Variants in C8orf34 observed in about 807,000 individuals in gnomAD.
C8orf34 encodes the protein uncharacterized protein C8orf34.
In C8orf34, 65 loss-of-function variants were observed where a neutral mutation model predicts 68.3. The observed-to-expected ratio is 0.95, with a 90% CI of 0.78 to 1.17. C8orf34 has a LOEUF of 1.17. Ranked by LOEUF, C8orf34 falls within the 50% of genes most tolerant of loss-of-function variation. The pLI is 0.00. For synonymous variants in C8orf34, 244 were observed against 241.2 expected (o/e 1.01, Z -0.11); for missense variants, 664 against 655.4 (o/e 1.01, Z -0.14).
intron 5 of C8orf34, among the ~76,000 whole-genome samples, chr8:68,502,237 TG>T (rs1167648931): frequency 1.3e-5 from 2 of 152,240 alleles, no homozygotes; most frequent in African/African-American, 4.8e-5. Context: ...GGCTAATTTT[TG>T]TATTTTTAGT....
In C8orf34 at chr8:68,533,417, T is replaced by C. The variant is rs557872718; in HGVS notation, c.1105+268T>C. The C allele has an allele frequency of 1.7e-5, 19 of 1,104,962 alleles. No homozygotes were observed. In the African/African-American group the frequency reaches 2.8e-4, roughly 16 times the overall value. The allele number at this position is 1,104,962 out of a possible 1,614,324, so 68.4% of individuals were successfully genotyped here. A position where few individuals can be genotyped will look rare whatever the true frequency, so the allele number is the denominator to read the frequency against. ...CTGACTACGTAATGAAGCGTTATTCTGTGTGCAACTGTGATCAAAATTCAA... is the reference window on the plus strand; with the variant it reads ...CTGACTACGTAATGAAGCGTTATTCCGTGTGCAACTGTGATCAAAATTCAA... On this transcript the variant is annotated intron_variant, in intron 7 of 13. Transcript: ENST00000518698.
intron 7 of C8orf34, among the ~76,000 whole-genome samples, chr8:68,627,618 T>C (rs1818574084): frequency 6.6e-6 from 1 of 152,234 alleles, no homozygotes; most frequent in South Asian, 2.1e-4. Context: ...AGATGCACTC[T>C]GATGCAGAAA....
chr8:68,663,871 C>T (rs1819758973), intron 8 of C8orf34, among the ~76,000 whole-genome samples: 1 of 152,110 alleles, frequency 6.6e-6, no homozygotes, highest in Admixed American at 6.5e-5. Flanking sequence ...GCAAAATAGA[C>T]AATAAGTTTA....
chr8:68,538,557 T>G (rs951498254), intron 7 of C8orf34, among the ~76,000 whole-genome samples: 1 of 152,088 alleles, frequency 6.6e-6, no homozygotes, highest in Admixed American at 6.6e-5. Context: ...TAGATAAATT[T>G]ATATCCTTGA....
intron 7 of C8orf34, among the ~76,000 whole-genome samples, chr8:68,538,601 A>G (rs992152947): frequency 3.3e-5 from 5 of 151,216 alleles, no homozygotes; most frequent in South Asian, 2.1e-4. Flanking sequence ...CAGACAAAGG[A>G]AAAAAAAAGC....
chr8:68,654,058 A>G (rs1819441777), intron 8 of C8orf34, among the ~76,000 whole-genome samples: 1 of 152,150 alleles, frequency 6.6e-6, no homozygotes, highest in South Asian at 2.1e-4. Flanking sequence ...ATTATTATTC[A>G]TACTACTATT....
intron 10 of C8orf34, among the ~76,000 whole-genome samples, chr8:68,773,161 C>T (rs533484448): frequency 6.6e-6 from 1 of 152,022 alleles, no homozygotes; most frequent in Non-Finnish European, 1.5e-5. Flanking sequence ...CATTAGCGAT[C>T]CCAGTGAGAG....
chr8:68,441,094 A>G (rs542264161), intron 2 of C8orf34, among the ~76,000 whole-genome samples: 245 of 149,494 alleles, frequency 1.6e-3, no homozygotes, highest in Non-Finnish European at 2.9e-3. Context: ...ATGAGCCACC[A>G]TGCCCTGCCA....
At chr8:68,479,790 A>G (rs1328937473) in intron 4 of C8orf34, among the ~76,000 whole-genome samples, 1 of 152,142 alleles carries the variant, frequency 6.6e-6, no homozygotes, top group Non-Finnish European at 1.5e-5. Context: ...GAAAACCAAC[A>G]CCATTTGAAA....
intron 10 of C8orf34, among the ~76,000 whole-genome samples, chr8:68,771,992 CTA>C (rs1413404701): frequency 6.6e-6 from 1 of 152,104 alleles, no homozygotes; most frequent in Admixed American, 6.5e-5. Context: ...TAATAAATAC[CTA>C]TGGAAAAAAT....
rs1278276695 is a variant in C8orf34 at position 68,764,439 on chromosome 8, A to ACATTGGGGAAG, written c.1405-11960_1405-11959insCATTGGGGAAG. Among the ~76,000 whole-genome samples, 18 of 152,312 alleles carry ACATTGGGGAAG rather than the reference A, an allele frequency of 1.2e-4. No individual in the cohort carries two copies. The East Asian group carries it at 3.5e-3, about 29-fold the overall frequency. On this transcript the variant is annotated intron_variant, in intron 10 of 13. Transcript: ENST00000518698. ...CAATGTAGGAGAGAGCACTTCTACC[A>ACATTGGGGAAG]GTGCAGTCAGTGGGCAGGTTTTCTA...
chr8:68,773,197 T>C (rs1825949545), intron 10 of C8orf34, among the ~76,000 whole-genome samples: 2 of 152,076 alleles, frequency 1.3e-5, no homozygotes, highest in Non-Finnish European at 2.9e-5. Context: ...GGCATTTCAC[T>C]GGTCTGGTGT....
chr8:68,497,833 G>C (rs1415953186), intron 5 of C8orf34, among the ~76,000 whole-genome samples: 3 of 151,840 alleles, frequency 2.0e-5, no homozygotes, highest in Admixed American at 6.6e-5. Context: ...TCTATTTTTG[G>C]GGGGAGATGG....
At chr8:68,739,752 C>T (rs562510796) in intron 10 of C8orf34, among the ~76,000 whole-genome samples, 1 of 152,178 alleles carries the variant, frequency 6.6e-6, no homozygotes, top group African/African-American at 2.4e-5. Flanking sequence ...TTAAAATCCA[C>T]ATGGAACCAA....
At chr8:68,444,224 G>GCT (rs1160932296) in intron 2 of C8orf34, among the ~76,000 whole-genome samples, 1 of 151,926 alleles carries the variant, frequency 6.6e-6, no homozygotes, top group Admixed American at 6.6e-5. Context: ...GTTTCCTGTT[G>GCT]CTACTTCTTT....
At chr8:68,759,097 C>A (rs1458539146) in intron 10 of C8orf34, among the ~76,000 whole-genome samples, 1 of 152,080 alleles carries the variant, frequency 6.6e-6, no homozygotes, top group Non-Finnish European at 1.5e-5. Flanking sequence ...CAAACACACA[C>A]ACATATGAAA....
intron 7 of C8orf34, among the ~76,000 whole-genome samples, chr8:68,633,681 C>T (rs188319036): frequency 5.3e-5 from 8 of 152,146 alleles, no homozygotes; most frequent in African/African-American, 1.9e-4. Flanking sequence ...TGGTATATCT[C>T]CCATATCTAT....
chr8:68,660,493 C>T (rs958183960), intron 8 of C8orf34, among the ~76,000 whole-genome samples: 1 of 152,166 alleles, frequency 6.6e-6, no homozygotes, highest in Non-Finnish European at 1.5e-5. Context: ...CCCTGCTGCT[C>T]GTAACCTTTG....
intron 7 of C8orf34, among the ~76,000 whole-genome samples, chr8:68,624,216 G>A (rs6999183): frequency 0.082 from 12,274 of 150,566 alleles, 768 homozygotes; most frequent in African/African-American, 0.18. Context: ...AGCTTGCAAT[G>A]AGCCGAGATC....
Sources: allele counts gnomAD v4.1 joint callset (sites outside exome capture counted in the v4.1 genomes callset), GRCh38; gene constraint gnomAD v4.1.1; transcripts MANE v1.5; gene names NCBI Gene and HGNC (gene_info 2026-07-23, HGNC 2026-07-21).